Variants in THADA observed in about 807,000 individuals in gnomAD.
THADA encodes tRNA (32-2'-O)-methyltransferase regulator THADA.
THADA carries 213 observed loss-of-function variants against 219.8 expected under a neutral mutation model. That is an observed-to-expected ratio of 0.97 (90% CI 0.87 to 1.09). THADA has a LOEUF of 1.09. Among genes scored for constraint, THADA ranks in the 50% least tolerant of loss-of-function variants. The pLI, the probability that THADA is intolerant of heterozygous loss-of-function variation, is 0.00. For synonymous variants in THADA, 1,018 were observed against 828.9 expected (o/e 1.23, Z -3.92); for missense variants, 2,956 against 2,311.3 (o/e 1.28, Z -5.72).
At chr2:43,494,321 G>C (rs759687578) in intron 25 of THADA, among the ~76,000 whole-genome samples, 1 of 152,128 alleles carries the variant, frequency 6.6e-6, no homozygotes, top group Non-Finnish European at 1.5e-5. Context: ...ATCTTTCCTT[G>C]CCTCACTTCC....
chr2:43,439,919 CTTTTAAAAAA>C (rs2104855861), intron 26 of THADA, among the ~76,000 whole-genome samples: 1 of 152,108 alleles, frequency 6.6e-6, no homozygotes, highest in South Asian at 2.1e-4. Context: ...AATCGAAAGT[CTTTTAAAAAA>C]AGAAATCCTT....
chr2:43,384,325 G>A (rs1276321784), intron 29 of THADA, among the ~76,000 whole-genome samples: 1 of 152,060 alleles, frequency 6.6e-6, no homozygotes, highest in Non-Finnish European at 1.5e-5. Flanking sequence ...AGGGGCGAGG[G>A]GTGTGAGTAA....
chr2:43,417,580 G>C (rs902879213), intron 28 of THADA, among the ~76,000 whole-genome samples: 1 of 152,156 alleles, frequency 6.6e-6, no homozygotes, highest in Non-Finnish European at 1.5e-5. Flanking sequence ...AATGCCCAAG[G>C]GGGGAAATAT....
At chr2:43,389,212 C>T (rs1673060325) in intron 29 of THADA, among the ~76,000 whole-genome samples, 1 of 152,222 alleles carries the variant, frequency 6.6e-6, no homozygotes, top group South Asian at 2.1e-4. Context: ...CTCCAGAGTC[C>T]ACTCTTACCT....
At position 43,303,212 on chromosome 2, in the gene THADA, C is replaced by A. The variant is rs748984403; in HGVS notation, c.4439-9999G>T. ...GCATAAAGGAGTATGGTGGCCCATT[C>A]ACACAATTCCTTTGGTAATATCAGA... On this transcript the variant is annotated intron_variant, in intron 31 of 37. Coordinates refer to ENST00000405975, the MANE Select transcript of THADA (RefSeq NM_022065.5). 1.4e-4 allele frequency among the ~76,000 whole-genome samples: 22 copies of A among 152,164 alleles called. 1 individual carries two copies. Among genetic ancestry groups the A allele is most frequent in the African/African-American group, 4.6e-4 (19 of 41,454 alleles).
intron 22 of THADA, among the ~76,000 whole-genome samples, chr2:43,522,653 T>A (rs769755906): frequency 6.6e-6 from 1 of 152,324 alleles, no homozygotes; most frequent in East Asian, 1.9e-4. Flanking sequence ...TTATGAAAAC[T>A]TTTTAAATGA....
At chr2:43,588,216 T>C (rs1393952403) in intron 4 of THADA, among the ~76,000 whole-genome samples, 2 of 147,650 alleles carry the variant, frequency 1.4e-5, no homozygotes, top group African/African-American at 2.5e-5. Flanking sequence ...GTTCCCCATA[T>C]AAAAAAGAAA....
chr2:43,495,646 T>A (rs1688177260), intron 25 of THADA, among the ~76,000 whole-genome samples: 1 of 152,200 alleles, frequency 6.6e-6, no homozygotes, highest in African/African-American at 2.4e-5. Context: ...AATCACTCAT[T>A]TCTGATAGTT....
chr2:43,435,870 C>A (rs1221104789), intron 26 of THADA, among the ~76,000 whole-genome samples: 3 of 151,060 alleles, frequency 2.0e-5, no homozygotes, highest in African/African-American at 7.3e-5. Context: ...GGATTCTGCC[C>A]TGAGCATTCC....
intron 21 of THADA, among the ~76,000 whole-genome samples, chr2:43,540,921 A>T (rs1215410182): frequency 6.6e-6 from 1 of 152,218 alleles, no homozygotes; most frequent in Non-Finnish European, 1.5e-5. Context: ...TACAGTTAAA[A>T]GTGAGGTAAA....
intron 31 of THADA, among the ~76,000 whole-genome samples, chr2:43,307,133 T>C (rs965272691): frequency 6.6e-5 from 10 of 152,312 alleles, no homozygotes; most frequent in Admixed American, 4.6e-4. Flanking sequence ...TTTTTAATCA[T>C]TGGATATGAG....
intron 36 of THADA, among the ~76,000 whole-genome samples, chr2:43,261,415 G>C (rs902991470): frequency 5.3e-5 from 8 of 150,254 alleles, no homozygotes; most frequent in African/African-American, 1.7e-4. Flanking sequence ...GTAGAGATGG[G>C]GTTTCGCCAT....
chr2:43,314,481 G>C (rs960448344), intron 31 of THADA, among the ~76,000 whole-genome samples: 4 of 152,132 alleles, frequency 2.6e-5, no homozygotes, highest in Non-Finnish European at 5.9e-5. Flanking sequence ...CAATTTTAAG[G>C]GGTGTGGGCA....
intron 36 of THADA, among the ~76,000 whole-genome samples, chr2:43,244,550 C>T (rs1278769907): frequency 1.3e-5 from 2 of 152,310 alleles, no homozygotes; most frequent in East Asian, 1.9e-4. Context: ...TTCATGTGGG[C>T]TTCATGGCTG....
intron 26 of THADA, among the ~76,000 whole-genome samples, chr2:43,459,999 A>C (rs917578712): frequency 3.9e-5 from 6 of 152,152 alleles, no homozygotes; most frequent in African/African-American, 1.4e-4. Context: ...AAATTAAAAG[A>C]AAGCCAGTTC....
rs763197877 is a variant in THADA, at chr2:43,586,874, C to T, written c.431G>A (p.Cys144Tyr). Reference protein sequence around the residue: ...YRKVTDNISSCMENFNLGRAS... With the variant: ...YRKVTDNISSYMENFNLGRAS... ...CTTACCCAAGTTAAAGTTCTCCATA[C>T]AGGAAGAAATATTGTCAGTAACTTT... is the stretch of plus-strand genomic sequence containing the variant. Residue 144 changes from cysteine (C) to tyrosine (Y), a missense_variant, in exon 5 of 38, where the codon TGT becomes TAT. Transcript: ENST00000405975. 6 of 1,613,808 alleles carry T rather than the reference C, an allele frequency of 3.7e-6. No homozygotes were observed. In the Admixed American group the frequency reaches 1.0e-4, roughly 27 times the overall value.
chr2:43,363,289 C>A lies in THADA; in HGVS notation c.4228-19052G>T, dbSNP rs114372579. ...AGGTTTGTTTACACCAGCATCACCA[C>A]AAACACATGAGTAATGCATTGTGCT... On this transcript the variant is annotated intron_variant, in intron 29 of 37. Coordinates refer to ENST00000405975, the MANE Select transcript of THADA (RefSeq NM_022065.5). Among the ~76,000 whole-genome samples the A allele has an allele frequency of 7.0e-4, 106 of 152,334 alleles. 1 individual carries two copies. Among genetic ancestry groups the A allele is most frequent in the African/African-American group, 2.4e-3 (101 of 41,578 alleles).
intron 24 of THADA, among the ~76,000 whole-genome samples, chr2:43,501,306 C>CAAAAAAAAAAAAAAAAAAAAAAAAAAAAA (rs1558864377): frequency 1.6e-4 from 2 of 12,280 alleles, no homozygotes; most frequent in African/African-American, 5.4e-4. Context: ...AACTCCAACT[C>CAAAAAAAAAAAAAAAAAAAAAAAAAAAAA]CAAAAAAAAA....
At chr2:43,451,912 G>A (rs1165174389) in intron 26 of THADA, among the ~76,000 whole-genome samples, 10 of 152,062 alleles carry the variant, frequency 6.6e-5, no homozygotes, top group Middle Eastern at 3.2e-3. Context: ...TTCAAGACCC[G>A]CCTGGCCAAC....
Sources: allele counts gnomAD v4.1 joint callset (sites outside exome capture counted in the v4.1 genomes callset), GRCh38; gene constraint gnomAD v4.1.1; transcripts MANE v1.5; gene names NCBI Gene and HGNC (gene_info 2026-07-23, HGNC 2026-07-21).